The following SLC35F3 variants were observed in gnomAD, a reference collection of about 807,000 sequenced individuals.
The protein encoded by SLC35F3 is putative thiamine transporter SLC35F3.
SLC35F3 carries 25 observed loss-of-function variants against 49.9 expected under a neutral mutation model. That is an observed-to-expected ratio of 0.50 (90% CI 0.37 to 0.70). SLC35F3 has a LOEUF of 0.70. Among genes scored for constraint, SLC35F3 ranks in the 30% least tolerant of loss-of-function variants. SLC35F3 has a pLI of 0.00. For missense variants in SLC35F3, 525 were observed against 639.8 expected (o/e 0.82, Z 1.94); for synonymous variants, 275 against 265.4 (o/e 1.04, Z -0.35).
At chr1:234,066,916 C>T (rs558464065) in intron 2 of SLC35F3, among the ~76,000 whole-genome samples, 1 of 151,522 alleles carries the variant, frequency 6.6e-6, no homozygotes, top group South Asian at 2.1e-4. Context: ...TGTTTTTGTA[C>T]CCACTTTCTG....
In SLC35F3 at chr1:234,214,551, T is replaced by C; in HGVS notation, c.284-16866T>C. 1 of 1,559,126 alleles carries C rather than the reference T, an allele frequency of 6.4e-7. No homozygotes were observed. The highest frequency in any genetic ancestry group is 8.7e-7 in the Non-Finnish European group (1 of 1,155,068). ...CCGCTCAGCGCCTGCAACAGTCCGGTCCTGACCCTTACCAAAGTGGAAGGT... is the reference window on the plus strand; with the variant it reads ...CCGCTCAGCGCCTGCAACAGTCCGGCCCTGACCCTTACCAAAGTGGAAGGT... On this transcript the variant is annotated intron_variant, in intron 2 of 7. Coordinates refer to ENST00000366618, the MANE Select transcript of SLC35F3 (RefSeq NM_173508.4). This position sits in a 1 kb window ranked among gnomAD's most constrained non-coding sequence, Gnocchi z 8.0.
intron 2 of SLC35F3, 122 bp downstream of exon 2, chr1:233,905,880 A>G: frequency 2.1e-6 from 2 of 941,038 alleles, no homozygotes; most frequent in East Asian, 5.3e-5. Context: ...GCCTGCTGAT[A>G]CAGACCCAGG....
At chr1:234,133,787 T>C (rs1665769104) in intron 2 of SLC35F3, among the ~76,000 whole-genome samples, 1 of 152,254 alleles carries the variant, frequency 6.6e-6, no homozygotes, top group South Asian at 2.1e-4. Flanking sequence ...AACTAGCGGC[T>C]TAATTATCTT....
At chr1:234,322,892 C>T in intron 7 of SLC35F3, 116 bp from the exon 8 acceptor site, 1 of 834,894 alleles carries the variant, frequency 1.2e-6, no homozygotes, top group Non-Finnish European at 1.9e-6. Context: ...ATCCTGTGGT[C>T]CAGGGAAGAC....
At chr1:234,266,928 G>A (rs1006710835) in intron 3 of SLC35F3, among the ~76,000 whole-genome samples, 2 of 137,676 alleles carry the variant, frequency 1.5e-5, no homozygotes, top group Non-Finnish European at 3.1e-5. Flanking sequence ...TCTCGCAGAG[G>A]GGGATTTGGC....
chr1:233,948,228 G>GAGA (rs1662547149), intron 2 of SLC35F3, among the ~76,000 whole-genome samples: 3 of 107,620 alleles, frequency 2.8e-5, no homozygotes, highest in Non-Finnish European at 5.7e-5. Flanking sequence ...AGGGAGAGAG[G>GAGA]GAGAGAGAGA....
chr1:234,319,194 G>A (rs926832907), intron 6 of SLC35F3, among the ~76,000 whole-genome samples: 2 of 152,218 alleles, frequency 1.3e-5, no homozygotes, highest in African/African-American at 4.8e-5. Flanking sequence ...ACCCCAGGGT[G>A]TTGCATGTTA....
chr1:234,035,191 G>A (rs923917536), intron 2 of SLC35F3, among the ~76,000 whole-genome samples: 6 of 152,116 alleles, frequency 3.9e-5, no homozygotes, highest in Non-Finnish European at 8.8e-5. Context: ...GAGAAAGGGG[G>A]CATGGAAGTA....
chr1:234,279,995 A>G (rs576797107), intron 3 of SLC35F3, among the ~76,000 whole-genome samples: 1 of 152,350 alleles, frequency 6.6e-6, no homozygotes, highest in East Asian at 1.9e-4. Context: ...CAATGGCTAC[A>G]TAAGTTGGAA....
At chr1:234,133,671 T>A (rs558495750) in intron 2 of SLC35F3, among the ~76,000 whole-genome samples, 2 of 152,358 alleles carry the variant, frequency 1.3e-5, no homozygotes, top group South Asian at 4.1e-4. Context: ...ACATCAGGCA[T>A]TTTAACTATG....
rs1019722988 is a variant in SLC35F3 at position 234,136,234 on chromosome 1, C to T, written c.284-95183C>T. Among the ~76,000 whole-genome samples, 6 of 151,558 alleles carry T rather than the reference C, an allele frequency of 4.0e-5. No homozygotes were observed. The East Asian group carries it at 1.2e-3, about 29-fold the overall frequency. On this transcript the variant is annotated intron_variant, in intron 2 of 7. Transcript: ENST00000366618. ...TCTTCCCTTCCCTTCTCCTTCCTCC[C>T]TTCCTCTCTTTCTCTTTCTTTTTCT...
intron 2 of SLC35F3, among the ~76,000 whole-genome samples, chr1:234,108,472 G>GAT (rs1412878975): frequency 1.0e-4 from 7 of 69,022 alleles, no homozygotes; most frequent in South Asian, 1.0e-3. Flanking sequence ...ATATATAAAA[G>GAT]ATATATATAT....
At chr1:234,305,383 C>CTTTTTT (rs60208203) in intron 3 of SLC35F3, among the ~76,000 whole-genome samples, 1 of 124,272 alleles carries the variant, frequency 8.0e-6, no homozygotes. Context: ...AGCAGTATTG[C>CTTTTTT]TTTTTTTTTT....
intron 2 of SLC35F3, among the ~76,000 whole-genome samples, chr1:234,057,870 T>C (rs1484412035): frequency 1.3e-5 from 2 of 152,110 alleles, no homozygotes; most frequent in African/African-American, 4.8e-5. Context: ...CAGGCCCAGC[T>C]AATTTTTGTG....
At chr1:234,092,805 C>T (rs1301088465) in intron 2 of SLC35F3, among the ~76,000 whole-genome samples, 1 of 152,136 alleles carries the variant, frequency 6.6e-6, no homozygotes. Flanking sequence ...GAGTTCGAGG[C>T]TGCAGTGACC....
chr1:234,066,654 A>G (rs12563209), intron 2 of SLC35F3, among the ~76,000 whole-genome samples: 20,069 of 151,920 alleles, frequency 0.13, 1,635 homozygotes, highest in Non-Finnish European at 0.19. Flanking sequence ...CCCCTGCCCT[A>G]CTTCTCAAAT....
Position 233,980,775 on chromosome 1 carries a change from C to A in SLC35F3, c.283+75017C>A, listed in dbSNP as rs937509316. On this transcript the variant is annotated intron_variant, in intron 2 of 7. Transcript: ENST00000366618. The stretch of plus-strand genomic sequence containing the variant: ...TGAGAAATTTGAGCTCCCTTCACAT[C>A]GTACTGTCAATTGTGATAATTGATA... 2.0e-5 allele frequency among the ~76,000 whole-genome samples: 3 copies of A among 152,168 alleles called. No homozygotes were observed. In the South Asian group the frequency reaches 6.2e-4, roughly 32 times the overall value.
At chr1:234,203,667 C>T (rs868617289) in intron 2 of SLC35F3, among the ~76,000 whole-genome samples, 32 of 151,662 alleles carry the variant, frequency 2.1e-4, no homozygotes, top group African/African-American at 7.7e-4. Context: ...GCCGAGATCA[C>T]GCCACTGCAC....
At chr1:233,933,050 A>AAG (rs1249302233) in intron 2 of SLC35F3, among the ~76,000 whole-genome samples, 2 of 151,582 alleles carry the variant, frequency 1.3e-5, no homozygotes, top group Non-Finnish European at 1.5e-5. Flanking sequence ...AAAAAAAAAA[A>AAG]AAAACTATGA....
Sources: allele counts gnomAD v4.1 joint callset (sites outside exome capture counted in the v4.1 genomes callset), GRCh38; gene constraint gnomAD v4.1.1; non-coding constraint Gnocchi (gnomAD v3.1); transcripts MANE v1.5; gene names NCBI Gene and HGNC (gene_info 2026-07-23, HGNC 2026-07-21).